EVL: variants seen among roughly 807,000 people sequenced by gnomAD.
EVL encodes the protein ena/VASP-like protein.
A neutral mutation model predicts 59.6 loss-of-function variants in EVL; 21 were observed. The observed-to-expected ratio is 0.35, with a 90% CI of 0.25 to 0.51. The LOEUF is 0.51. Among genes scored for constraint, EVL ranks in the 20% least tolerant of loss-of-function variants. The pLI, the probability that EVL is intolerant of heterozygous loss-of-function variation, is 0.97. For synonymous variants in EVL, 198 were observed against 203.5 expected (o/e 0.97, Z 0.23); for missense variants, 462 against 546.6 (o/e 0.85, Z 1.54).
At chr14:100,075,757 G>A (rs964639744) in intron 1 of EVL, among the ~76,000 whole-genome samples, 1 of 152,200 alleles carries the variant, frequency 6.6e-6, no homozygotes, top group Non-Finnish European at 1.5e-5. Flanking sequence ...GGGGGGCAGA[G>A]ACATATACCT....
intron 1 of EVL, among the ~76,000 whole-genome samples, chr14:100,011,743 A>G (rs1320122419): frequency 6.6e-6 from 1 of 152,184 alleles, no homozygotes; most frequent in African/African-American, 2.4e-5. Context: ...GTGGATAGTA[A>G]GTTGCTCTTA....
At chr14:100,123,115 T>C (rs1240732403) in intron 3 of EVL, among the ~76,000 whole-genome samples, 1 of 152,182 alleles carries the variant, frequency 6.6e-6, no homozygotes, top group East Asian at 1.9e-4. Context: ...GTGGACTTGT[T>C]AGGTTTGGCA....
intron 2 of EVL, among the ~76,000 whole-genome samples, chr14:100,089,258 T>G (rs1229069681): frequency 6.6e-6 from 1 of 152,170 alleles, no homozygotes; most frequent in Non-Finnish European, 1.5e-5. Context: ...GACAGAAAAC[T>G]TGAATAACAT....
At chr14:100,000,127 T>G (rs553452362) in intron 1 of EVL, among the ~76,000 whole-genome samples, 41 of 152,320 alleles carry the variant, frequency 2.7e-4, no homozygotes, top group Non-Finnish European at 3.5e-4. Flanking sequence ...TTGCCAAGGT[T>G]GAGGACACGT....
intron 3 of EVL, among the ~76,000 whole-genome samples, chr14:100,103,095 C>G (rs1168684297): frequency 8.1e-6 from 1 of 123,192 alleles, no homozygotes; most frequent in African/African-American, 3.9e-5. Context: ...AGCAAGACTC[C>G]GTCTCAAAAA....
At chr14:100,019,711 A>T (rs2061087317) in intron 1 of EVL, 1 of 1,530,982 alleles carries the variant, frequency 6.5e-7, no homozygotes, top group African/African-American at 1.4e-5. Context: ...TTTCTACATC[A>T]GTCTGCTGCT....
At chr14:99,983,575 A>G (rs1344956848) in intron 1 of EVL, among the ~76,000 whole-genome samples, 2 of 152,166 alleles carry the variant, frequency 1.3e-5, no homozygotes, top group African/African-American at 4.8e-5. Context: ...CCTCTTCTTT[A>G]AAAGGTTCCA....
At chr14:100,059,370 G>A (rs1305579516) in intron 1 of EVL, among the ~76,000 whole-genome samples, 1 of 152,220 alleles carries the variant, frequency 6.6e-6, no homozygotes, top group African/African-American at 2.4e-5. Context: ...AGCTCAGTGG[G>A]CAGAAATTAG....
intron 1 of EVL, among the ~76,000 whole-genome samples, chr14:100,003,591 ATTT>A (rs937680576): frequency 6.6e-6 from 1 of 151,770 alleles, no homozygotes; most frequent in African/African-American, 2.4e-5. Flanking sequence ...TAATTTTTGT[ATTT>A]TTAGTAGAGA....
intron 3 of EVL, among the ~76,000 whole-genome samples, chr14:100,104,657 C>G (rs770466722): frequency 2.0e-5 from 3 of 152,258 alleles, no homozygotes; most frequent in Non-Finnish European, 2.9e-5. Context: ...TGAGGTAGTT[C>G]TGCATTAAAA....
chr14:100,122,823 C>T (rs892173447), intron 3 of EVL, among the ~76,000 whole-genome samples: 1 of 152,214 alleles, frequency 6.6e-6, no homozygotes, highest in African/African-American at 2.4e-5. Flanking sequence ...CCAGCCTCCT[C>T]TGAACAGGAG....
intron 1 of EVL, among the ~76,000 whole-genome samples, chr14:100,053,301 C>G (rs898393181): frequency 6.6e-6 from 1 of 151,950 alleles, no homozygotes; most frequent in South Asian, 2.1e-4. Context: ...TCTCATTTCG[C>G]CTTCTAATGG....
chr14:100,052,071 A>C (rs1232597047), intron 1 of EVL, among the ~76,000 whole-genome samples: 2 of 152,240 alleles, frequency 1.3e-5, no homozygotes, highest in African/African-American at 4.8e-5. Flanking sequence ...ACGGAAGGGC[A>C]GGTCTTTTTT....
chr14:100,126,804 A>G lies in EVL; in HGVS notation c.487+33A>G, dbSNP rs1284072405. 2.5e-6 allele frequency: 4 copies of G among 1,604,072 alleles called. No individual in the cohort carries two copies. In the African/African-American group the frequency reaches 4.0e-5, roughly 16 times the overall value. On this transcript the variant is annotated intron_variant, in intron 5 of 13. Transcript: ENST00000392920. The stretch of plus-strand genomic sequence containing the variant: ...CCCTCCTCCCCTAGGGCCGACTCCC[A>G]TGCTGCTGCCAGGTGGCAGCCCCTC...
At chr14:100,038,652 CAG>C (rs1468773736) in intron 1 of EVL, among the ~76,000 whole-genome samples, 1 of 152,100 alleles carries the variant, frequency 6.6e-6, no homozygotes, top group African/African-American at 2.4e-5. Context: ...AAAGCTTAAA[CAG>C]AATAATGCTA....
At chr14:99,974,350 C>A (rs1013760965) in intron 1 of EVL, 2 of 152,462 alleles carry the variant, frequency 1.3e-5, no homozygotes, top group Admixed American at 6.5e-5. Flanking sequence ...ATAGCTGGAG[C>A]CTGGGTTCTC....
intron 1 of EVL, among the ~76,000 whole-genome samples, chr14:99,975,550 G>T (rs1484824338): frequency 6.6e-6 from 1 of 152,160 alleles, no homozygotes; most frequent in Non-Finnish European, 1.5e-5. Flanking sequence ...ATTTTTCCTT[G>T]GGGGGTTAGG....
At chr14:100,021,842 A>G (rs897489270) in intron 1 of EVL, among the ~76,000 whole-genome samples, 5 of 152,146 alleles carry the variant, frequency 3.3e-5, no homozygotes, top group African/African-American at 1.2e-4. Context: ...GGTAAGAAAA[A>G]TTGAGAGCAG....
chr14:100,096,481 A>G (rs1885819847), intron 2 of EVL, among the ~76,000 whole-genome samples: 1 of 152,128 alleles, frequency 6.6e-6, no homozygotes, highest in Admixed American at 6.5e-5. Flanking sequence ...TCTCATATAT[A>G]ATTTAATCCT....
Sources: allele counts gnomAD v4.1 joint callset (sites outside exome capture counted in the v4.1 genomes callset), GRCh38; gene constraint gnomAD v4.1.1; transcripts MANE v1.5; gene names NCBI Gene and HGNC (gene_info 2026-07-23, HGNC 2026-07-21).